The following SNTG1 variants were observed in gnomAD, a reference collection of about 807,000 sequenced individuals.
SNTG1 encodes the protein gamma-1-syntrophin.
Under a neutral mutation model 74.7 loss-of-function variants are expected in SNTG1, and 39 were observed. That is an observed-to-expected ratio of 0.52 (90% CI 0.40 to 0.68). The LOEUF is 0.68. SNTG1 is among the 30% of genes least tolerant of loss of function. The pLI is 0.00. For missense variants in SNTG1, 685 were observed against 609.5 expected (o/e 1.12, Z -1.30); for synonymous variants, 254 against 217.1 (o/e 1.17, Z -1.49).
intron 5 of SNTG1, among the ~76,000 whole-genome samples, chr8:50,449,225 A>G (rs2093433331): frequency 1.3e-5 from 2 of 152,084 alleles, no homozygotes; most frequent in African/African-American, 4.8e-5. Context: ...TTGTTTATCC[A>G]TTTGTTCTGG....
chr8:50,286,224 A>G (rs1198456564), intron 2 of SNTG1, among the ~76,000 whole-genome samples: 1 of 152,198 alleles, frequency 6.6e-6, no homozygotes, highest in Admixed American at 6.5e-5. Context: ...AACAAAAAGC[A>G]TACCCTCTTT....
At chr8:50,152,796 C>G (rs1320040216) in intron 1 of SNTG1, among the ~76,000 whole-genome samples, 1 of 152,170 alleles carries the variant, frequency 6.6e-6, no homozygotes, top group Non-Finnish European at 1.5e-5. Context: ...ATGGGTTTCC[C>G]TTTGTGAGTA....
At chr8:50,236,159 T>C (rs2085883236) in intron 2 of SNTG1, among the ~76,000 whole-genome samples, 1 of 152,266 alleles carries the variant, frequency 6.6e-6, no homozygotes, top group South Asian at 2.1e-4. Context: ...AATTTCCTTT[T>C]CCTAGTCTAA....
chr8:49,956,780 AAG>A (rs895841723), intron 1 of SNTG1, among the ~76,000 whole-genome samples: 3 of 152,074 alleles, frequency 2.0e-5, no homozygotes, highest in African/African-American at 7.3e-5. Flanking sequence ...TAGGAAAACA[AAG>A]AAAAAAAATG....
chr8:50,758,082 A>G (rs557117561), intron 18 of SNTG1, among the ~76,000 whole-genome samples: 5 of 151,918 alleles, frequency 3.3e-5, no homozygotes, highest in Non-Finnish European at 7.4e-5. Flanking sequence ...TGTTAGATAA[A>G]TAACATTTCA....
Position 49,991,066 on chromosome 8 carries a change from A to G in SNTG1, c.-103+78835A>G, listed in dbSNP as rs527420958. Among the ~76,000 whole-genome samples, 5 of 152,336 alleles carry G rather than the reference A, an allele frequency of 3.3e-5. No homozygotes were observed. In the East Asian group the frequency reaches 7.7e-4, roughly 23 times the overall value. On this transcript the variant is annotated intron_variant, in intron 1 of 18. Transcript: ENST00000642720. ...ATCTGATGATAGACTTGTATACAGA[A>G]TACATGAAGAGCTTTTACAACTCAA...
rs551197277 is a variant in SNTG1 at position 50,652,669 on chromosome 8, C to A, written c.850-4240C>A. 1.2e-4 allele frequency among the ~76,000 whole-genome samples: 18 copies of A among 152,016 alleles called. No homozygotes were observed. In the East Asian group the frequency reaches 2.5e-3, roughly 21 times the overall value. On this transcript the variant is annotated intron_variant, in intron 13 of 18. Coordinates refer to ENST00000642720, the MANE Select transcript of SNTG1 (RefSeq NM_018967.5). Reference sequence around the variant, plus strand: ...AAAATTAGCCGGGGTTGGTGGTGGGCACCTTTAGTCCCGGTTACTCGGGAG... The same window carrying A: ...AAAATTAGCCGGGGTTGGTGGTGGGAACCTTTAGTCCCGGTTACTCGGGAG...
intron 4 of SNTG1, among the ~76,000 whole-genome samples, chr8:50,406,853 T>G (rs1381787102): frequency 6.6e-6 from 1 of 152,182 alleles, no homozygotes; most frequent in Non-Finnish European, 1.5e-5. Context: ...TTTTCTTACC[T>G]GAAAGTACTT....
In SNTG1 at chr8:50,146,176, T is replaced by G. The variant is rs1283853786; in HGVS notation, c.-102-26385T>G. Among the ~76,000 whole-genome samples the G allele has an allele frequency of 2.0e-5, 3 of 152,098 alleles. No individual in the cohort carries two copies. The East Asian group carries it at 5.8e-4, about 29-fold the overall frequency. ...TGTGTGTGTGTGTTTTGTGTGTGTTTGTATGTGTGTGAACATGCTTTCAAG... is the reference window on the plus strand; with the variant it reads ...TGTGTGTGTGTGTTTTGTGTGTGTTGGTATGTGTGTGAACATGCTTTCAAG... On this transcript the variant is annotated intron_variant, in intron 1 of 18. Transcript: ENST00000642720.
intron 8 of SNTG1, among the ~76,000 whole-genome samples, chr8:50,498,620 T>C (rs2093924586): frequency 6.6e-6 from 1 of 151,896 alleles, no homozygotes; most frequent in African/African-American, 2.4e-5. Flanking sequence ...ATTTGTGTTT[T>C]TATTGGATGT....
rs555152309 is a variant in SNTG1, at chr8:50,075,152, C to G, written c.-102-97409C>G. The stretch of plus-strand genomic sequence containing the variant: ...CATGCCCGAGCCTCTCCGCCTCCCC[C>G]CTGTGGGCTCCTGGGCAGCCGGAGC... On this transcript the variant is annotated intron_variant, in intron 1 of 18. Transcript: ENST00000642720. Among the ~76,000 whole-genome samples the G allele has an allele frequency of 1.9e-3, 288 of 152,292 alleles. 2 individuals carry two copies. Among genetic ancestry groups the G allele is most frequent in the African/African-American group, 4.4e-3 (185 of 41,576 alleles).
At chr8:50,562,294 A>G (rs1468928579) in intron 12 of SNTG1, among the ~76,000 whole-genome samples, 1 of 152,232 alleles carries the variant, frequency 6.6e-6, no homozygotes, top group Non-Finnish European at 1.5e-5. Flanking sequence ...ATTGCTAATC[A>G]GCTGGCCTTA....
rs538707468 is a variant in SNTG1 at position 49,982,569 on chromosome 8, G to A, written c.-103+70338G>A. 7.2e-4 allele frequency among the ~76,000 whole-genome samples: 104 copies of A among 143,900 alleles called. 1 individual carries two copies. Among genetic ancestry groups the A allele is most frequent in the African/African-American group, 2.3e-3 (89 of 39,014 alleles). 94.4% of individuals were successfully genotyped at this position (143,900 alleles called of 152,430 possible). A position where few individuals can be genotyped will look rare whatever the true frequency, so the allele number is the denominator to read the frequency against. On this transcript the variant is annotated intron_variant, in intron 1 of 18. Transcript: ENST00000642720. Reference sequence around the variant, plus strand: ...TGAAATTCATCAGGTGCTGTGGCTCGTGTTTGTAATCCCAGCTACTCAGGA... The same window carrying A: ...TGAAATTCATCAGGTGCTGTGGCTCATGTTTGTAATCCCAGCTACTCAGGA...
intron 2 of SNTG1, among the ~76,000 whole-genome samples, chr8:50,296,884 T>C (rs910740166): frequency 6.6e-6 from 1 of 152,160 alleles, no homozygotes; most frequent in Non-Finnish European, 1.5e-5. Flanking sequence ...TTATCCTGCT[T>C]ATTAAGTAGT....
At chr8:50,184,460 G>A (rs1015973236) in intron 2 of SNTG1, among the ~76,000 whole-genome samples, 19 of 152,012 alleles carry the variant, frequency 1.2e-4, no homozygotes, top group Admixed American at 1.1e-3. Context: ...CACCGTGCCC[G>A]GCCTACATCT....
At position 50,153,407 on chromosome 8, in the gene SNTG1, G is replaced by A. The variant is rs541706562; in HGVS notation, c.-102-19154G>A. On this transcript the variant is annotated intron_variant, in intron 1 of 18. Transcript: ENST00000642720. ...TCTGAAGTATTCTCTCAACTCGTCA[G>A]CATCATTCTCTCTCCAGTTTTGTTC... Among the ~76,000 whole-genome samples, 29 of 152,280 alleles carry A rather than the reference G, an allele frequency of 1.9e-4. No homozygotes were observed. The South Asian group carries it at 5.8e-3, about 30-fold the overall frequency.
chr8:49,935,434 C>T (rs1220365286), intron 1 of SNTG1, among the ~76,000 whole-genome samples: 1 of 133,434 alleles, frequency 7.5e-6, no homozygotes, highest in Non-Finnish European at 1.5e-5. Context: ...CCTTCAATGA[C>T]TGCAGAGATG....
chr8:50,734,832 T>TATAG lies in SNTG1; in HGVS notation c.1285-17166_1285-17165insGATA, dbSNP rs766011318. Reference sequence around the variant, plus strand: ...AGATATCTATATATATGGACATATATATATCTATATATATGGACATATATA... The same window carrying TATAG: ...AGATATCTATATATATGGACATATATATAGATATCTATATATATGGACATATATA... On this transcript the variant is annotated intron_variant, in intron 17 of 18. Coordinates refer to ENST00000642720, the MANE Select transcript of SNTG1 (RefSeq NM_018967.5). Among the ~76,000 whole-genome samples, 37 of 65,676 alleles carry TATAG rather than the reference T, an allele frequency of 5.6e-4. 1 individual carries two copies. Among genetic ancestry groups the TATAG allele is most frequent in the Non-Finnish European group, 7.3e-4 (24 of 33,078 alleles). 43.1% of individuals were successfully genotyped at this position (65,676 alleles called of 152,430 possible).
chr8:50,084,109 G>A (rs1822652768), intron 1 of SNTG1, among the ~76,000 whole-genome samples: 1 of 152,152 alleles, frequency 6.6e-6, no homozygotes, highest in Non-Finnish European at 1.5e-5. Context: ...CTCACACTAA[G>A]TGGTTCATGT....
Sources: allele counts gnomAD v4.1 joint callset (sites outside exome capture counted in the v4.1 genomes callset), GRCh38; gene constraint gnomAD v4.1.1; transcripts MANE v1.5; gene names NCBI Gene and HGNC (gene_info 2026-07-23, HGNC 2026-07-21).